GABBR2: variants seen among roughly 807,000 people sequenced by gnomAD.
GABBR2 encodes gamma-aminobutyric acid type B receptor subunit 2.
In GABBR2, 23 loss-of-function variants were observed where a neutral mutation model predicts 105.6. The ratio of observed to expected loss-of-function variants is 0.22; its 90% confidence interval spans 0.16 to 0.31. GABBR2 has a LOEUF of 0.31. Ranked by LOEUF, GABBR2 falls within the 10% of genes least tolerant of loss-of-function variation. The probability of loss-of-function intolerance (pLI) is 1.00; values close to 1 mark genes in which losing one functional copy is unlikely to be tolerated. For missense variants in GABBR2, 734 were observed against 1,245.5 expected (o/e 0.59, Z 6.18); for synonymous variants, 478 against 499.7 (o/e 0.96, Z 0.58).
rs1382611577 is a variant in GABBR2, at chr9:98,708,845, C to T, written c.-108G>A. The T allele has an allele frequency of 3.3e-6, 2 of 604,974 alleles. No individual in the cohort carries two copies. Among genetic ancestry groups the T allele is most frequent in the African/African-American group, 2.0e-5 (1 of 49,610 alleles). The allele number at this position is 604,974 out of a possible 1,614,324, so 37.5% of individuals were successfully genotyped here. On this transcript the variant is annotated 5_prime_UTR_variant, in exon 1 of 19. Coordinates refer to ENST00000259455, the MANE Select transcript of GABBR2 (RefSeq NM_005458.8). ...CGGCGCCCGCGCAATGGCGCCGGCC[C>T]GGGCCCCGGCTCCGTCTCGGGCTAG...
At chr9:98,614,226 A>G (rs1829547550) in intron 1 of GABBR2, among the ~76,000 whole-genome samples, 4 of 152,214 alleles carry the variant, frequency 2.6e-5, no homozygotes, top group Admixed American at 2.6e-4. Flanking sequence ...AAAACCACCT[A>G]TTAAAAGATA....
intron 7 of GABBR2, among the ~76,000 whole-genome samples, chr9:98,423,787 G>A (rs1259640728): frequency 6.6e-6 from 1 of 152,268 alleles, no homozygotes; most frequent in Admixed American, 6.5e-5. Flanking sequence ...TTTGTATAAG[G>A]TGTAAGGAAG....
At chr9:98,559,466 A>G (rs1335090922) in intron 2 of GABBR2, among the ~76,000 whole-genome samples, 1 of 152,244 alleles carries the variant, frequency 6.6e-6, no homozygotes, top group Non-Finnish European at 1.5e-5. Flanking sequence ...TTTGGGCAAG[A>G]AAATGAAAAT....
intron 3 of GABBR2, among the ~76,000 whole-genome samples, chr9:98,535,613 G>C (rs1222601268): frequency 6.6e-6 from 1 of 152,096 alleles, no homozygotes; most frequent in Non-Finnish European, 1.5e-5. Context: ...TCAGTGACTT[G>C]AGGATTCTCA....
intron 1 of GABBR2, among the ~76,000 whole-genome samples, chr9:98,601,862 T>G (rs1302249206): frequency 6.6e-6 from 1 of 152,130 alleles, no homozygotes; most frequent in African/African-American, 2.4e-5. Flanking sequence ...GATGCAAGTG[T>G]GGGGTAGTGG....
chr9:98,629,652 T>C (rs557151104), intron 1 of GABBR2, among the ~76,000 whole-genome samples: 30 of 152,346 alleles, frequency 2.0e-4, no homozygotes, highest in South Asian at 1.5e-3. Flanking sequence ...AAAGCCATGC[T>C]GTATGGAATA....
chr9:98,449,347 G>A (rs766643817), intron 7 of GABBR2, among the ~76,000 whole-genome samples: 9 of 151,982 alleles, frequency 5.9e-5, no homozygotes, highest in South Asian at 2.1e-4. Context: ...GCCAGGGACC[G>A]TATGTTATTC....
intron 1 of GABBR2, among the ~76,000 whole-genome samples, chr9:98,672,700 G>T (rs922063169): frequency 1.3e-5 from 2 of 152,234 alleles, no homozygotes; most frequent in African/African-American, 4.8e-5. Context: ...TTCCTATTTG[G>T]TTATTTGCTG....
intron 11 of GABBR2, among the ~76,000 whole-genome samples, chr9:98,378,760 A>G (rs1393101834): frequency 6.6e-6 from 1 of 152,150 alleles, no homozygotes; most frequent in Non-Finnish European, 1.5e-5. Context: ...GCAGATAGGA[A>G]CCAGAAGGAG....
chr9:98,589,536 C>T (rs10986852), intron 1 of GABBR2, among the ~76,000 whole-genome samples: 37,403 of 151,952 alleles, frequency 0.25, 4,949 homozygotes, highest in Non-Finnish European at 0.3. Context: ...ACCTGGGGAA[C>T]TATTAAAGAA....
intron 13 of GABBR2, among the ~76,000 whole-genome samples, chr9:98,331,396 CTTTTT>C (rs142735341): frequency 6.8e-4 from 52 of 75,994 alleles, no homozygotes; most frequent in Middle Eastern, 9.1e-3. Flanking sequence ...AGTCCCTCTT[CTTTTT>C]TTTTTTTTTT....
At chr9:98,316,539 T>G (rs1038785669) in intron 13 of GABBR2, among the ~76,000 whole-genome samples, 2 of 152,358 alleles carry the variant, frequency 1.3e-5, no homozygotes, top group South Asian at 4.1e-4. Context: ...AGTGAATAAC[T>G]GTTAAGCACT....
At chr9:98,335,260 C>T (rs1831093201) in intron 13 of GABBR2, among the ~76,000 whole-genome samples, 1 of 152,174 alleles carries the variant, frequency 6.6e-6, no homozygotes, top group Non-Finnish European at 1.5e-5. Context: ...ACATGAACTC[C>T]CCAGGTGGGC....
intron 1 of GABBR2, among the ~76,000 whole-genome samples, chr9:98,644,393 C>T (rs1000472712): frequency 6.6e-6 from 1 of 152,218 alleles, no homozygotes; most frequent in Non-Finnish European, 1.5e-5. Context: ...AAAAGGAACC[C>T]TGGGTTTAAC....
intron 13 of GABBR2, among the ~76,000 whole-genome samples, chr9:98,355,160 T>C (rs1831463456): frequency 6.6e-6 from 1 of 152,114 alleles, no homozygotes. Context: ...TCTGCCCTCT[T>C]ATCTGGGCAT....
intron 7 of GABBR2, among the ~76,000 whole-genome samples, chr9:98,440,089 C>CT (rs1826003740): frequency 6.6e-6 from 1 of 152,190 alleles, no homozygotes; most frequent in Admixed American, 6.5e-5. Context: ...ACACCTGCTC[C>CT]TAGGGCCAGT....
At chr9:98,696,352 GA>G (rs1247676876) in intron 1 of GABBR2, among the ~76,000 whole-genome samples, 1 of 152,236 alleles carries the variant, frequency 6.6e-6, no homozygotes, top group Non-Finnish European at 1.5e-5. Flanking sequence ...GCAATGCTGG[GA>G]GTGGGCAGGG....
At chr9:98,580,739 G>C (rs1033015885) in intron 1 of GABBR2, among the ~76,000 whole-genome samples, 3 of 152,188 alleles carry the variant, frequency 2.0e-5, no homozygotes, top group African/African-American at 4.8e-5. Context: ...AGTGAGCCGA[G>C]ATCGCGCCCT....
At chr9:98,621,812 C>T (rs534240192) in intron 1 of GABBR2, among the ~76,000 whole-genome samples, 8 of 152,238 alleles carry the variant, frequency 5.3e-5, no homozygotes, top group African/African-American at 1.9e-4. Flanking sequence ...TAATAATGTG[C>T]CTACAGATAT....
Sources: gnomAD v4.1 joint callset for allele counts (sites outside exome capture counted in the v4.1 genomes callset) on GRCh38, gnomAD v4.1.1 for gene constraint, MANE v1.5 for transcripts, NCBI Gene and HGNC (gene_info 2026-07-23, HGNC 2026-07-21) for gene names.